TIMD4: variants seen among roughly 807,000 people sequenced by gnomAD.
TIMD4 encodes the protein T cell immunoglobulin and mucin domain containing 4.
A neutral mutation model predicts 41.2 loss-of-function variants in TIMD4; 31 were observed. The ratio of observed to expected loss-of-function variants is 0.75; its 90% CI spans 0.57 to 1.01. The LOEUF (loss-of-function observed/expected upper bound fraction) is 1.01. Among genes scored for constraint, TIMD4 ranks in the 50% least tolerant of loss-of-function variants. TIMD4 has a pLI of 0.00. For synonymous variants in TIMD4, 204 were observed against 177.1 expected, an observed-to-expected ratio of 1.15 and a Z score of -1.21; for missense variants, 479 against 472.5, an observed-to-expected ratio of 1.01 and a Z score of -0.13.
chr5:156,920,523 G>T lies in TIMD4; in HGVS notation c.1013-20C>A. The stretch of plus-strand genomic sequence containing the variant: ...GTTTCCCTGAAAAGACAAGGCCACA[G>T]TGTGAGCAGAGTGGCTGCGGTGCAT... On this transcript the variant is annotated intron_variant, in intron 7 of 8. Coordinates refer to ENST00000274532, the MANE Select transcript of TIMD4 (RefSeq NM_138379.3). The T allele has an allele frequency of 6.2e-7, 1 of 1,613,744 alleles. No individual in the cohort carries two copies. The highest frequency in any genetic ancestry group is 8.5e-7 in the Non-Finnish European group (1 of 1,179,656).
chr5:156,926,485 T>C (rs1049535578), intron 5 of TIMD4, among the ~76,000 whole-genome samples, 173 bp from the exon 6 acceptor site: 2 of 152,250 alleles, frequency 1.3e-5, no homozygotes, highest in Non-Finnish European at 2.9e-5. Flanking sequence ...ATGGTTTTAA[T>C]GTAAATTTTA....
rs5872492 is a variant in TIMD4 at position 156,944,495 on chromosome 5, CTTT to C, written c.844+3918_844+3920del. 8.3e-3 allele frequency among the ~76,000 whole-genome samples: 572 copies of C among 69,112 alleles called. 5 individuals carry two copies. Among genetic ancestry groups the C allele is most frequent in the African/African-American group, 0.033 (551 of 16,572 alleles). The allele number at this position is 69,112 out of a possible 152,430, so 45.3% of individuals were successfully genotyped here. A position where few individuals can be genotyped will look rare whatever the true frequency, so the allele number is the denominator to read the frequency against. On this transcript the variant is annotated intron_variant, in intron 5 of 8. Transcript: ENST00000274532. Reference sequence around the variant, plus strand: ...CTCTCCCGCTGTTCAGCTGTGTGATCTTTTTTTTTTTTTTTTTTTTTTTTTTTG... The same window carrying C: ...CTCTCCCGCTGTTCAGCTGTGTGATCTTTTTTTTTTTTTTTTTTTTTTTTG...
chr5:156,951,454 G>T, intron 3 of TIMD4, 58 bp downstream of exon 3: 1 of 1,588,112 alleles, frequency 6.3e-7, no homozygotes, highest in East Asian at 2.2e-5. Flanking sequence ...CAAGTCACTG[G>T]GCTGCCTCAT....
intron 3 of TIMD4, 45 bp from the exon 4 acceptor site, chr5:156,949,776 A>T (rs534861574): frequency 6.3e-6 from 8 of 1,263,358 alleles, no homozygotes; most frequent in Middle Eastern, 2.0e-4. Flanking sequence ...AAAAGTAGTT[A>T]TTGTGTTTGT....
intron 6 of TIMD4, among the ~76,000 whole-genome samples, chr5:156,925,184 C>T (rs1384756440): frequency 6.6e-6 from 1 of 152,180 alleles, no homozygotes; most frequent in African/African-American, 2.4e-5. Context: ...GTGGCATGTG[C>T]CTGTAATCCC....
intron 5 of TIMD4, among the ~76,000 whole-genome samples, chr5:156,934,915 C>T (rs1297329402): frequency 6.6e-6 from 1 of 152,154 alleles, no homozygotes; most frequent in Non-Finnish European, 1.5e-5. Context: ...TGCTGGGACT[C>T]ATCTGTCCTA....
At chr5:156,934,191 T>C (rs1437144789) in intron 5 of TIMD4, among the ~76,000 whole-genome samples, 1 of 152,232 alleles carries the variant, frequency 6.6e-6, no homozygotes, top group Non-Finnish European at 1.5e-5. Context: ...TTTGAATACA[T>C]TTATTGAGCT....
intron 4 of TIMD4, among the ~76,000 whole-genome samples, chr5:156,949,407 TTTCCCTAC>T (rs1187057912): frequency 7.1e-6 from 1 of 140,912 alleles, no homozygotes; most frequent in Non-Finnish European, 1.5e-5. Context: ...GGGTCTTCCT[TTTCCCTAC>T]CTCCCTCCTC....
At chr5:156,929,599 G>A (rs796139865) in intron 5 of TIMD4, among the ~76,000 whole-genome samples, 9 of 152,314 alleles carry the variant, frequency 5.9e-5, no homozygotes, top group African/African-American at 2.2e-4. Context: ...TCATAAGCCA[G>A]GGAATCCCTG....
At position 156,934,619 on chromosome 5, in the gene TIMD4, C is replaced by T. The variant is rs577442519; in HGVS notation, c.845-8307G>A. Reference sequence around the variant, plus strand: ...ATTATCACATTTAATGTTCATAAACCCATTTTACAGATGGTAAACTGAGGC... The same window carrying T: ...ATTATCACATTTAATGTTCATAAACTCATTTTACAGATGGTAAACTGAGGC... On this transcript the variant is annotated intron_variant, in intron 5 of 8. Coordinates refer to ENST00000274532, the MANE Select transcript of TIMD4 (RefSeq NM_138379.3). Among the ~76,000 whole-genome samples the T allele has an allele frequency of 2.0e-5, 3 of 152,090 alleles. No homozygotes were observed. The South Asian group carries it at 6.2e-4, about 32-fold the overall frequency.
At chr5:156,962,923 A>T (rs1581640361) in intron 1 of TIMD4, among the ~76,000 whole-genome samples, 1 of 152,130 alleles carries the variant, frequency 6.6e-6, no homozygotes, top group Middle Eastern at 3.4e-3. Flanking sequence ...AGCCCAAATT[A>T]CCCCAGCCTA....
Position 156,940,491 on chromosome 5 carries a change from C to T in TIMD4, c.844+7925G>A, listed in dbSNP as rs540093075. On this transcript the variant is annotated intron_variant, in intron 5 of 8. Coordinates refer to ENST00000274532, the MANE Select transcript of TIMD4 (RefSeq NM_138379.3). Reference sequence around the variant, plus strand: ...GTGAGGAGCGCCTCTTCCCGGCCGCCGCCCCGTCTAGGAAGTGAGGAGCAT... The same window carrying T: ...GTGAGGAGCGCCTCTTCCCGGCCGCTGCCCCGTCTAGGAAGTGAGGAGCAT... Among the ~76,000 whole-genome samples the T allele has an allele frequency of 4.6e-5, 7 of 152,170 alleles. No individual in the cohort carries two copies. The South Asian group carries it at 6.2e-4, about 14-fold the overall frequency.
intron 1 of TIMD4, among the ~76,000 whole-genome samples, chr5:156,957,524 AG>A (rs1447411082): frequency 4.2e-5 from 6 of 142,802 alleles, no homozygotes; most frequent in Admixed American, 7.0e-5. Flanking sequence ...AAAAAAAAAA[AG>A]AAAAAAGAAA....
chr5:156,952,748 GT>G (rs939389648), intron 2 of TIMD4, among the ~76,000 whole-genome samples: 10 of 152,298 alleles, frequency 6.6e-5, no homozygotes, highest in African/African-American at 2.2e-4. Flanking sequence ...TTTAAAGCCT[GT>G]TTATCCCGTT....
chr5:156,920,696 C>T (rs1759221512), intron 7 of TIMD4, among the ~76,000 whole-genome samples, 193 bp from the exon 8 acceptor site: 1 of 152,210 alleles, frequency 6.6e-6, no homozygotes, highest in Non-Finnish European at 1.5e-5. Context: ...AGTTAGTGCT[C>T]ATCAATTACC....
intron 5 of TIMD4, among the ~76,000 whole-genome samples, chr5:156,936,027 G>A (rs570334391): frequency 1.5e-4 from 23 of 152,142 alleles, no homozygotes; most frequent in African/African-American, 4.1e-4. Flanking sequence ...TCTCTTGAAC[G>A]CAGGAGTTCA....
At position 156,957,286 on chromosome 5, in the gene TIMD4, G is replaced by T. The variant is rs1759988395; in HGVS notation, c.59-2530C>A. On this transcript the variant is annotated intron_variant, in intron 1 of 8. Coordinates refer to ENST00000274532, the MANE Select transcript of TIMD4 (RefSeq NM_138379.3). Reference sequence around the variant, plus strand: ...CCCAGCACTTTAGGAGGCAGAGGCTGGCAGATCACCTGAGGTCAGGAGTTC... The same window carrying T: ...CCCAGCACTTTAGGAGGCAGAGGCTTGCAGATCACCTGAGGTCAGGAGTTC... Among the ~76,000 whole-genome samples, 8 of 152,162 alleles carry T rather than the reference G, an allele frequency of 5.3e-5. No individual in the cohort carries two copies. The South Asian group carries it at 1.7e-3, about 32-fold the overall frequency.
chr5:156,925,964 C>T (rs987818067), intron 6 of TIMD4, among the ~76,000 whole-genome samples: 19 of 152,242 alleles, frequency 1.2e-4, no homozygotes, highest in African/African-American at 2.2e-4. Context: ...AGTGCAATAG[C>T]GCCATCTTGG....
intron 1 of TIMD4, among the ~76,000 whole-genome samples, chr5:156,955,484 G>A (rs1362604121): frequency 6.6e-6 from 1 of 152,040 alleles, no homozygotes; most frequent in Non-Finnish European, 1.5e-5. Context: ...GTGAAACCCC[G>A]TCTCTACTAA....
Sources: allele counts gnomAD v4.1 joint callset (sites outside exome capture counted in the v4.1 genomes callset), GRCh38; gene constraint gnomAD v4.1.1; transcripts MANE v1.5; gene names NCBI Gene and HGNC (gene_info 2026-07-23, HGNC 2026-07-21).